IRAG2: variants seen among roughly 807,000 people sequenced by gnomAD.
IRAG2 encodes the protein inositol 1,4,5-triphosphate receptor associated 2.
In IRAG2, 45 loss-of-function variants were observed where a neutral mutation model predicts 69.9. The ratio of observed to expected loss-of-function variants is 0.64; its 90% CI spans 0.51 to 0.83. IRAG2 has a LOEUF of 0.83. Among genes scored for constraint, IRAG2 ranks in the 40% least tolerant of loss-of-function variants. The probability of loss-of-function intolerance (pLI) is 0.00; values close to 1 mark genes in which losing one functional copy is unlikely to be tolerated. For missense variants in IRAG2, 520 were observed against 587.0 expected (o/e 0.89, Z 1.18); for synonymous variants, 193 against 202.4 (o/e 0.95, Z 0.40).
In IRAG2 at chr12:25,004,655, CT is replaced by C; in HGVS notation, c.315del (p.Glu106ArgfsTer29). 8.1e-7 allele frequency: 1 copy of C among 1,232,154 alleles called. No homozygotes were observed. The highest frequency in any genetic ancestry group is 1.0e-6 in the Non-Finnish European group (1 of 987,960). 76.3% of individuals were successfully genotyped at this position (1,232,154 alleles called of 1,614,324 possible). On this transcript the variant is annotated frameshift_variant, in exon 1 of 39. Transcript: ENST00000636465. LOFTEE classifies it high-confidence loss of function. ...CCATCCACCTCTCACCTCAGCTCCC[CT>C]GAGACTGCAACATACTCTGTTATTC... is the stretch of plus-strand genomic sequence containing the variant.
intron 13 of IRAG2, 124 bp downstream of exon 13, chr12:25,089,914 G>A (rs1947920104): frequency 2.3e-6 from 3 of 1,288,802 alleles, no homozygotes; most frequent in South Asian, 2.5e-5. Flanking sequence ...CTGTGACTCA[G>A]TGCAGGTGAA....
intron 21 of IRAG2, among the ~76,000 whole-genome samples, chr12:25,107,268 T>C (rs906067806): frequency 6.6e-6 from 1 of 152,204 alleles, no homozygotes; most frequent in Non-Finnish European, 1.5e-5. Context: ...ATATATGTTA[T>C]ATTCTATTTT....
chr12:25,036,536 T>C (rs187980487), intron 14 of IRAG2: 31 of 398,578 alleles, frequency 7.8e-5, no homozygotes, highest in East Asian at 3.6e-5. Flanking sequence ...ATTCTGATTA[T>C]ATAATAGCAT....
At chr12:25,076,400 A>C in intron 6 of IRAG2, 1 of 976,756 alleles carries the variant, frequency 1.0e-6, no homozygotes. Flanking sequence ...ATAGGGCAAA[A>C]GAAGGCCTTA....
At position 25,072,655 on chromosome 12, in the gene IRAG2, C is replaced by T. The variant is rs532827519; in HGVS notation, c.24+3224C>T. ...TTATCATCCCAGTGGACACCCCAGA[C>T]GATGGGTGTTTTCTTAACTCCTTGT... On this transcript the variant is annotated intron_variant, in intron 6 of 21. Transcript: ENST00000556887. Among the ~76,000 whole-genome samples the T allele has an allele frequency of 3.3e-5, 5 of 152,292 alleles. No individual in the cohort carries two copies. The East Asian group carries it at 9.6e-4, about 29-fold the overall frequency.
At chr12:25,100,264 G>A (rs1422234200) in intron 15 of IRAG2, among the ~76,000 whole-genome samples, 1 of 152,012 alleles carries the variant, frequency 6.6e-6, no homozygotes, top group Admixed American at 6.6e-5. Flanking sequence ...GTGAGGATGT[G>A]GGGAGATTGC....
chr12:25,001,936 A>G (rs1463077419), upstream of IRAG2, among the ~76,000 whole-genome samples: 1 of 151,728 alleles, frequency 6.6e-6, no homozygotes, highest in African/African-American at 2.4e-5. Flanking sequence ...ATGCCCTGCT[A>G]ATTTTTGTAT....
chr12:25,069,524 T>G (rs1039717984), intron 6 of IRAG2, 93 bp downstream of exon 6: 1 of 1,182,248 alleles, frequency 8.5e-7, no homozygotes, highest in African/African-American at 1.5e-5. Context: ...TTTTTTATTT[T>G]TTAAGTATTA....
intron 1 of IRAG2, among the ~76,000 whole-genome samples, chr12:25,053,553 C>A (rs1591947372): frequency 6.6e-6 from 1 of 151,868 alleles, no homozygotes; most frequent in Admixed American, 6.6e-5. Flanking sequence ...AGTATATAAA[C>A]AGTTACCAGA....
intron 16 of IRAG2, among the ~76,000 whole-genome samples, chr12:25,039,245 T>G (rs1397400046): frequency 6.6e-6 from 1 of 152,178 alleles, no homozygotes; most frequent in Non-Finnish European, 1.5e-5. Flanking sequence ...AAGAAACTAT[T>G]TTATTCCCCC....
intron 7 of IRAG2, chr12:25,021,091 C>CTT (rs71063389): frequency 0.1 from 28,241 of 269,882 alleles, 2 homozygotes; most frequent in Middle Eastern, 0.16. Flanking sequence ...TCTTTCTTTT[C>CTT]TTTTTTTTTT....
At chr12:25,046,635 CATATA>C (rs1005694400) in intron 16 of IRAG2, among the ~76,000 whole-genome samples, 11 of 151,878 alleles carry the variant, frequency 7.2e-5, no homozygotes, top group African/African-American at 2.7e-4. Flanking sequence ...AGGTAAAAAA[CATATA>C]ATAAAAACTA....
intron 13 of IRAG2, among the ~76,000 whole-genome samples, chr12:25,034,729 A>G (rs1944691560): frequency 6.6e-6 from 1 of 152,160 alleles, no homozygotes; most frequent in Non-Finnish European, 1.5e-5. Flanking sequence ...TCTCCTGTTG[A>G]CAGCTGTGAT....
exon 9 of IRAG2, chr12:25,026,801 A>G (rs1300378632): frequency 8.2e-7 from 1 of 1,224,732 alleles, no homozygotes; most frequent in Non-Finnish European, 1.0e-6. Context: ...TTTCAAGAAC[A>G]TCATGGATAT....
chr12:25,094,376 G>A (rs1260568727), intron 14 of IRAG2, among the ~76,000 whole-genome samples: 1 of 151,956 alleles, frequency 6.6e-6, no homozygotes. Context: ...TGGCACCCTG[G>A]TTGAAGATCA....
intron 10 of IRAG2, among the ~76,000 whole-genome samples, chr12:25,031,969 T>G (rs1014823277): frequency 2.0e-5 from 3 of 152,238 alleles, no homozygotes; most frequent in African/African-American, 7.2e-5. Context: ...GCCGTCCTTG[T>G]GTGTTTTTAA....
intron 20 of IRAG2, among the ~76,000 whole-genome samples, chr12:25,106,408 T>C (rs951126435): frequency 7.4e-6 from 1 of 134,334 alleles, no homozygotes; most frequent in Non-Finnish European, 1.6e-5. Context: ...TTATAAACTT[T>C]GTATAAGCAT....
chr12:25,032,049 A>T, intron 10 of IRAG2: 1 of 397,462 alleles, frequency 2.5e-6, no homozygotes, highest in Non-Finnish European at 4.4e-6. Context: ...TTGGGCATTT[A>T]CAATTTTTCT....
chr12:25,086,278 A>C (rs372069207), intron 10 of IRAG2, among the ~76,000 whole-genome samples: 1 of 50,692 alleles, frequency 2.0e-5, no homozygotes, highest in Middle Eastern at 0.011. Context: ...ATGACATGTC[A>C]CGGGTATGGG....
Sources: allele counts gnomAD v4.1 joint callset (sites outside exome capture counted in the v4.1 genomes callset), GRCh38; gene constraint gnomAD v4.1.1; transcripts MANE v1.5; gene names NCBI Gene and HGNC (gene_info 2026-07-23, HGNC 2026-07-21).